INTS9: variants seen among roughly 807,000 people sequenced by gnomAD.
The protein encoded by INTS9 is integrator complex subunit 9.
Under a neutral mutation model 79.7 loss-of-function variants are expected in INTS9, and 55 were observed. The observed-to-expected ratio is 0.69, with a 90% CI of 0.56 to 0.86. The LOEUF is 0.86. Among genes scored for constraint, INTS9 ranks in the 40% least tolerant of loss-of-function variants. The pLI, the probability that INTS9 is intolerant of heterozygous loss-of-function variation, is 0.00. For missense variants in INTS9, 721 were observed against 831.5 expected (o/e 0.87, Z 1.64); for synonymous variants, 319 against 325.2 (o/e 0.98, Z 0.20).
rs767097653 is a variant in INTS9 at position 28,775,895 on chromosome 8, G to A, written c.1427C>T (p.Thr476Ile). The part of the protein sequence containing the change: ...PLHVVCPEQY[T>I]QPPPAQSHRM... ...GTGGGACTGGGCTGGGGGCGGCTGA[G>A]TGTACTGCTCAGGACACACCACGTG... Residue 476 changes from threonine to isoleucine, a missense_variant, in exon 14 of 17, where the codon ACT (threonine) becomes ATT (isoleucine). Thr to Ile is a moderately conservative substitution (Grantham distance 89, BLOSUM62 -1). Transcript: ENST00000521022. 12 of 1,604,342 alleles carry A rather than the reference G, an allele frequency of 7.5e-6. No homozygotes were observed. The highest frequency in any genetic ancestry group is 2.2e-5 in the East Asian group (1 of 44,834).
intron 1 of INTS9, among the ~76,000 whole-genome samples, chr8:28,867,275 T>A (rs1443074935): frequency 6.6e-6 from 1 of 152,090 alleles, no homozygotes; most frequent in Non-Finnish European, 1.5e-5. Context: ...AAAAATTAGC[T>A]GGGCGTCGTG....
At chr8:28,791,253 A>G (rs1333561945) in intron 10 of INTS9, among the ~76,000 whole-genome samples, 1 of 152,064 alleles carries the variant, frequency 6.6e-6, no homozygotes, top group African/African-American at 2.4e-5. Flanking sequence ...CTCTATATAA[A>G]ATGCACATAT....
At chr8:28,781,464 T>C (rs1318090024) in intron 11 of INTS9, among the ~76,000 whole-genome samples, 1 of 152,182 alleles carries the variant, frequency 6.6e-6, no homozygotes, top group African/African-American at 2.4e-5. Flanking sequence ...ACAGCCACTT[T>C]GAAAGATATT....
chr8:28,813,121 G>T (rs1020248220), intron 7 of INTS9, among the ~76,000 whole-genome samples: 1 of 152,082 alleles, frequency 6.6e-6, no homozygotes, highest in Non-Finnish European at 1.5e-5. Context: ...GAGTAGCTCT[G>T]GGCACAGGAT....
intron 1 of INTS9, among the ~76,000 whole-genome samples, chr8:28,887,234 T>C (rs976545404): frequency 2.0e-5 from 3 of 152,210 alleles, no homozygotes; most frequent in Non-Finnish European, 2.9e-5. Context: ...AAGTTAAGTG[T>C]AGGAGGTTAT....
chr8:28,778,619 C>T (rs1426481000), intron 12 of INTS9, among the ~76,000 whole-genome samples: 1 of 152,222 alleles, frequency 6.6e-6, no homozygotes, highest in African/African-American at 2.4e-5. Context: ...CTCTGCTCAG[C>T]CTGTCTCCTG....
intron 6 of INTS9, among the ~76,000 whole-genome samples, chr8:28,830,436 C>T (rs1024292622): frequency 6.6e-6 from 1 of 152,024 alleles, no homozygotes. Flanking sequence ...GAGTTTGAGA[C>T]CAACCTGGCC....
chr8:28,852,366 G>A (rs1807894419), intron 2 of INTS9, among the ~76,000 whole-genome samples: 1 of 148,890 alleles, frequency 6.7e-6, no homozygotes, highest in African/African-American at 2.5e-5. Flanking sequence ...GTTTTCTGCT[G>A]TAACTTTTCA....
chr8:28,831,314 C>T lies in INTS9; in HGVS notation c.488+3978G>A, dbSNP rs141239681. Among the ~76,000 whole-genome samples the T allele has an allele frequency of 4.2e-3, 639 of 152,086 alleles. 3 individuals are homozygous for T. The highest frequency in any genetic ancestry group is 0.014 in the African/African-American group (580 of 41,502). Reference sequence around the variant, plus strand: ...ACACTGGGGCCTCTCAGGGAGTGTGCGGGGGAAGGGGGAGCATTGAGATAA... The same window carrying T: ...ACACTGGGGCCTCTCAGGGAGTGTGTGGGGGAAGGGGGAGCATTGAGATAA... On this transcript the variant is annotated intron_variant, in intron 6 of 16. Transcript: ENST00000521022.
chr8:28,787,966 G>A, intron 10 of INTS9, 77 bp from the exon 11 acceptor site: 1 of 917,692 alleles, frequency 1.1e-6, no homozygotes, highest in Non-Finnish European at 1.7e-6. Flanking sequence ...TGGCAGCAGT[G>A]CAAATATTAA....
intron 6 of INTS9, among the ~76,000 whole-genome samples, chr8:28,823,309 T>C (rs973308940): frequency 1.3e-5 from 2 of 152,194 alleles, no homozygotes; most frequent in African/African-American, 2.4e-5. Context: ...ATGTCCTCCA[T>C]ATAGCAGGAG....
rs182005522 is a variant in INTS9 at position 28,844,027 on chromosome 8, G to A, written c.261+2720C>T. Among the ~76,000 whole-genome samples the A allele has an allele frequency of 4.6e-3, 700 of 152,316 alleles. 4 individuals are homozygous for A. The highest frequency in any genetic ancestry group is 0.016 in the African/African-American group (650 of 41,550). On this transcript the variant is annotated intron_variant, in intron 4 of 16. Coordinates refer to ENST00000521022, the MANE Select transcript of INTS9 (RefSeq NM_018250.4). ...TTTACTGCAATATGCAATTTACAGA[G>A]AGGGGAACTGCTCACATGGAGATGA... is the stretch of plus-strand genomic sequence containing the variant.
intron 1 of INTS9, among the ~76,000 whole-genome samples, chr8:28,866,990 A>G (rs1452761200): frequency 7.0e-6 from 1 of 143,392 alleles, no homozygotes; most frequent in Non-Finnish European, 1.5e-5. Flanking sequence ...AAGAAAAATA[A>G]AAAATCTGCT....
intron 5 of INTS9, among the ~76,000 whole-genome samples, chr8:28,835,873 A>T (rs7824900): frequency 0.53 from 80,162 of 151,720 alleles, 23,002 homozygotes; most frequent in Non-Finnish European, 0.65. Context: ...CAATGGCACA[A>T]TCTCAGCTCA....
chr8:28,830,310 A>G (rs1041899911), intron 6 of INTS9, among the ~76,000 whole-genome samples: 2 of 152,044 alleles, frequency 1.3e-5, no homozygotes, highest in South Asian at 2.1e-4. Context: ...TTTTAAAAGA[A>G]CTCTTTCATT....
intron 1 of INTS9, among the ~76,000 whole-genome samples, chr8:28,888,115 C>G (rs1371212242): frequency 2.0e-5 from 3 of 152,188 alleles, no homozygotes; most frequent in Non-Finnish European, 2.9e-5. Context: ...AAGCTGACCT[C>G]TTTCATGGAA....
chr8:28,878,747 A>G (rs949513020), intron 1 of INTS9, among the ~76,000 whole-genome samples: 2 of 151,916 alleles, frequency 1.3e-5, no homozygotes, highest in African/African-American at 4.8e-5. Flanking sequence ...GGAGGCCCCA[A>G]GGCGGCCAGG....
intron 14 of INTS9, among the ~76,000 whole-genome samples, chr8:28,774,303 G>T (rs923387568): frequency 6.6e-6 from 1 of 152,122 alleles, no homozygotes; most frequent in Non-Finnish European, 1.5e-5. Context: ...CATATAATAG[G>T]TTTGTATTAT....
intron 3 of INTS9, among the ~76,000 whole-genome samples, chr8:28,848,017 T>G (rs777813709): frequency 2.2e-4 from 34 of 152,218 alleles, no homozygotes; most frequent in Non-Finnish European, 1.0e-4. Context: ...CAGAGGACAG[T>G]GAAACAGCAA....
Sources: allele counts gnomAD v4.1 joint callset (sites outside exome capture counted in the v4.1 genomes callset), GRCh38; gene constraint gnomAD v4.1.1; transcripts MANE v1.5; gene names NCBI Gene and HGNC (gene_info 2026-07-23, HGNC 2026-07-21).